Variants in GPHN observed in about 807,000 individuals in gnomAD.
GPHN encodes the protein gephyrin.
A neutral mutation model predicts 95.5 loss-of-function variants in GPHN; 17 were observed. The observed-to-expected ratio is 0.18, with a 90% CI of 0.12 to 0.27. The LOEUF (loss-of-function observed/expected upper bound fraction) is 0.27, where lower values mean the gene tolerates loss of function less well. Ranked by LOEUF, GPHN falls within the 10% of genes least tolerant of loss-of-function variation. The pLI is 1.00. For synonymous variants in GPHN, 320 were observed against 322.5 expected, an observed-to-expected ratio of 0.99 and a Z score of 0.08; for missense variants, 660 against 978.1, an observed-to-expected ratio of 0.67 and a Z score of 4.34.
the GPHN span, among the ~76,000 whole-genome samples, chr14:67,612,106 C>A: frequency 6.6e-6 from 1 of 152,202 alleles, no homozygotes; most frequent in African/African-American, 2.4e-5. Context: ...GTAATGCCAG[C>A]AATGGGGAGT....
chr14:66,626,694 T>C (rs1377790842), intron 1 of GPHN, among the ~76,000 whole-genome samples: 1 of 152,118 alleles, frequency 6.6e-6, no homozygotes, highest in Admixed American at 6.5e-5. Context: ...AGTAGTATAT[T>C]TGCCTTTCTA....
chr14:67,650,938 CAT>C, the GPHN span: 1 of 1,609,030 alleles, frequency 6.2e-7, no homozygotes, highest in Non-Finnish European at 8.5e-7. Context: ...TGTGCACTGA[CAT>C]GTTTCACAAC....
chr14:67,143,340 C>T (rs1008849384), intron 17 of GPHN, 22 bp from the exon 18 acceptor site: 26 of 1,508,062 alleles, frequency 1.7e-5, no homozygotes, highest in Non-Finnish European at 2.3e-5. Context: ...GTGTTAATTT[C>T]TTTGTCTTTA....
Position 66,818,641 on chromosome 14 carries a change from T to C in GPHN, c.202-5833T>C, listed in dbSNP as rs185172772. Reference sequence around the variant, plus strand: ...TCAGTAATGGGATTTCTGGGTCGAATGGTATTTCTGTCTGTAGGTCTTTGA... The same window carrying C: ...TCAGTAATGGGATTTCTGGGTCGAACGGTATTTCTGTCTGTAGGTCTTTGA... On this transcript the variant is annotated intron_variant, in intron 3 of 22. Transcript: ENST00000478722. Among the ~76,000 whole-genome samples the C allele has an allele frequency of 7.9e-5, 12 of 152,262 alleles. No homozygotes were observed. In the East Asian group the frequency reaches 2.1e-3, roughly 27 times the overall value.
chr14:67,551,275 C>T, the GPHN span, among the ~76,000 whole-genome samples: 1 of 152,156 alleles, frequency 6.6e-6, no homozygotes, highest in East Asian at 1.9e-4. Flanking sequence ...GCTGAGACAA[C>T]AGGTGAGCAT....
At chr14:67,310,581 T>C in the GPHN span, among the ~76,000 whole-genome samples, 17 of 152,338 alleles carry the variant, frequency 1.1e-4, no homozygotes, top group East Asian at 3.3e-3. Context: ...TGCTATACAC[T>C]TATGATAATG....
At chr14:67,119,744 C>T (rs536246569) in intron 16 of GPHN, among the ~76,000 whole-genome samples, 2 of 152,162 alleles carry the variant, frequency 1.3e-5, no homozygotes, top group Admixed American at 1.3e-4. Flanking sequence ...GAGCCGAGAT[C>T]ACGCCATTGC....
At chr14:67,601,785 CCAGCTGTTCGGGTGG>C in the GPHN span, among the ~76,000 whole-genome samples, 1 of 151,812 alleles carries the variant, frequency 6.6e-6, no homozygotes, top group South Asian at 2.1e-4. Flanking sequence ...GCCTGTAATC[CCAGCTGTTCGGGTGG>C]CTGAGGCAGG....
chr14:66,514,745 G>A (rs2058173273), intron 1 of GPHN, among the ~76,000 whole-genome samples: 1 of 151,966 alleles, frequency 6.6e-6, no homozygotes, highest in African/African-American at 2.4e-5. Context: ...CTTACACTTA[G>A]GTTTCAGACA....
chr14:67,249,273 T>G, the GPHN span, among the ~76,000 whole-genome samples: 23,464 of 152,130 alleles, frequency 0.15, 3,415 homozygotes, highest in East Asian at 0.42. Flanking sequence ...CATACCAATG[T>G]TTTAAGGCAA....
At chr14:67,064,299 GA>G (rs1357536128) in intron 11 of GPHN, among the ~76,000 whole-genome samples, 1 of 152,154 alleles carries the variant, frequency 6.6e-6, no homozygotes, top group African/African-American at 2.4e-5. Flanking sequence ...GATCGTGGTG[GA>G]TAAGCTTTTC....
chr14:67,018,566 G>A (rs1187130217), intron 9 of GPHN, among the ~76,000 whole-genome samples: 1 of 152,138 alleles, frequency 6.6e-6, no homozygotes, highest in Non-Finnish European at 1.5e-5. Context: ...TGCCTACCGT[G>A]CATATGGCCA....
the GPHN span, chr14:67,374,602 T>A: frequency 9.9e-4 from 1,227 of 1,240,412 alleles, 10 homozygotes; most frequent in African/African-American, 0.016. Flanking sequence ...AATAAATAAT[T>A]TGAAATCTTA....
chr14:66,612,401 T>G (rs186040160), intron 1 of GPHN, among the ~76,000 whole-genome samples: 21 of 152,140 alleles, frequency 1.4e-4, no homozygotes, highest in African/African-American at 5.1e-4. Context: ...CTACTCCTCT[T>G]ATTTAATTTT....
At chr14:66,630,913 T>TA (rs36113920) in intron 1 of GPHN, among the ~76,000 whole-genome samples, 144,497 of 152,224 alleles carry the variant, frequency 0.95, 68,662 homozygotes, top group East Asian at 1. Context: ...TTTAATGTGT[T>TA]TTTTTTTTCT....
chr14:66,796,308 A>G (rs1209630735), intron 3 of GPHN, among the ~76,000 whole-genome samples: 1 of 151,962 alleles, frequency 6.6e-6, no homozygotes, highest in African/African-American at 2.4e-5. Context: ...TATCTATTCA[A>G]TATATTGTTT....
At chr14:67,731,699 T>TTTACTATATGA in the GPHN span, among the ~76,000 whole-genome samples, 3 of 152,166 alleles carry the variant, frequency 2.0e-5, no homozygotes, top group African/African-American at 7.2e-5. Context: ...CTATATGATT[T>TTTACTATATGA]TTTATACATA....
intron 2 of GPHN, among the ~76,000 whole-genome samples, chr14:66,770,352 T>A (rs776862075): frequency 5.3e-5 from 8 of 152,334 alleles, no homozygotes; most frequent in Non-Finnish European, 1.0e-4. Context: ...ATTTGTCAAT[T>A]TTTGCTTTTG....
At chr14:67,562,661 C>T in the GPHN span, 69 of 1,612,420 alleles carry the variant, frequency 4.3e-5, no homozygotes, top group African/African-American at 1.6e-4. Context: ...GCACTTTGGC[C>T]GTGTGGTGAA....
Sources: gnomAD v4.1 joint callset for allele counts (sites outside exome capture counted in the v4.1 genomes callset) on GRCh38, gnomAD v4.1.1 for gene constraint, MANE v1.5 for transcripts, NCBI Gene and HGNC (gene_info 2026-07-23, HGNC 2026-07-21) for gene names.